Variants in CGGBP1 observed in about 807,000 individuals in gnomAD.
The protein encoded by CGGBP1 is CGG triplet repeat-binding protein 1.
In CGGBP1, 4 loss-of-function variants were observed where a neutral mutation model predicts 11.4. That is an observed-to-expected ratio of 0.35 (90% CI 0.17 to 0.80). CGGBP1 has a LOEUF of 0.80. Ranked by LOEUF, CGGBP1 falls within the 30% of genes least tolerant of loss-of-function variation. The pLI, the probability that CGGBP1 is intolerant of heterozygous loss-of-function variation, is 0.52. For missense variants in CGGBP1, 135 were observed against 202.1 expected (o/e 0.67, Z 2.01); for synonymous variants, 76 against 74.1 (o/e 1.03, Z -0.13).
At chr3:88,079,644 C>T (rs1347402805) in intron 2 of CGGBP1, among the ~76,000 whole-genome samples, 8 of 151,888 alleles carry the variant, frequency 5.3e-5, no homozygotes. Flanking sequence ...TATTTTTGCT[C>T]TGGTTGGTAG....
intron 2 of CGGBP1, among the ~76,000 whole-genome samples, chr3:88,119,382 TTGTGGGG>T (rs1230399557): frequency 9.1e-4 from 11 of 12,064 alleles, no homozygotes; most frequent in Non-Finnish European, 7.1e-4. Context: ...CTGGGGACTG[TTGTGGGG>T]TGGGGGGAGG....
chr3:88,139,917 G>A, intron 2 of CGGBP1: 1 of 1,613,538 alleles, frequency 6.2e-7, no homozygotes, highest in Non-Finnish European at 8.5e-7. Flanking sequence ...TAAGTGTCCT[G>A]CTCTTGGTTG....
At chr3:88,131,260 T>G (rs962977553) in intron 2 of CGGBP1, among the ~76,000 whole-genome samples, 1 of 152,224 alleles carries the variant, frequency 6.6e-6, no homozygotes, top group Non-Finnish European at 1.5e-5. Flanking sequence ...TATAATCTTG[T>G]GTGACCACTG....
chr3:88,065,764 C>T (rs768963496), intron 2 of CGGBP1, among the ~76,000 whole-genome samples: 9 of 152,068 alleles, frequency 5.9e-5, no homozygotes, highest in African/African-American at 1.2e-4. Flanking sequence ...CTGGCTGTGT[C>T]GCTCAGGCTG....
chr3:88,101,764 C>T (rs940946780), intron 2 of CGGBP1, among the ~76,000 whole-genome samples: 5 of 152,192 alleles, frequency 3.3e-5, no homozygotes, highest in African/African-American at 7.2e-5. Context: ...AGTGACTGTA[C>T]GATTAAAATT....
At chr3:88,105,143 A>G (rs1415532230) in intron 2 of CGGBP1, among the ~76,000 whole-genome samples, 2 of 152,238 alleles carry the variant, frequency 1.3e-5, no homozygotes, top group Admixed American at 1.3e-4. Context: ...CATCTCAGAA[A>G]ACAAACATAA....
chr3:88,139,905 T>C, intron 2 of CGGBP1: 1 of 1,613,396 alleles, frequency 6.2e-7, no homozygotes, highest in Non-Finnish European at 8.5e-7. Flanking sequence ...AGAAGGAAAC[T>C]TTAAGTGTCC....
intron 2 of CGGBP1, chr3:88,129,862 G>A (rs1706340646): frequency 7.3e-7 from 1 of 1,372,942 alleles, no homozygotes. Flanking sequence ...GAAATGGTAA[G>A]ATGGGCAACA....
chr3:88,140,958 C>T, intron 2 of CGGBP1: 1 of 1,613,474 alleles, frequency 6.2e-7, no homozygotes, highest in Non-Finnish European at 8.5e-7. Context: ...TGGCAAATGC[C>T]TGACCACCTA....
At chr3:88,137,253 TTC>T (rs1479115560) in intron 2 of CGGBP1, among the ~76,000 whole-genome samples, 1 of 147,138 alleles carries the variant, frequency 6.8e-6, no homozygotes, top group East Asian at 2.0e-4. Flanking sequence ...AGAAAACGAA[TTC>T]TGTTTTGAAT....
At chr3:88,070,350 A>G (rs1028291861) in intron 2 of CGGBP1, among the ~76,000 whole-genome samples, 3 of 152,152 alleles carry the variant, frequency 2.0e-5, no homozygotes, top group African/African-American at 7.2e-5. Flanking sequence ...TGCAGCCATA[A>G]AAAATGATCT....
chr3:88,086,480 A>T, intron 2 of CGGBP1: 1 of 1,214,578 alleles, frequency 8.2e-7, no homozygotes, highest in Non-Finnish European at 1.1e-6. Flanking sequence ...ATTTCTTCTG[A>T]AGAAGAAACC....
chr3:88,112,249 T>C (rs1039860756), intron 2 of CGGBP1, among the ~76,000 whole-genome samples: 4 of 149,760 alleles, frequency 2.7e-5, no homozygotes, highest in African/African-American at 9.8e-5. Context: ...TTTATAATTT[T>C]AGTCTATTAG....
upstream of CGGBP1, chr3:88,059,136 G>T (rs1031013285): frequency 1.6e-4 from 187 of 1,159,788 alleles, 1 homozygote; most frequent in South Asian, 6.3e-4. Context: ...GGCAGCTTGC[G>T]TCTTCCAATA....
intron 1 of CGGBP1, among the ~76,000 whole-genome samples, chr3:88,141,279 G>T (rs1285122589): frequency 2.6e-5 from 4 of 152,036 alleles, no homozygotes; most frequent in Non-Finnish European, 5.9e-5. Context: ...ATAGGGCTTT[G>T]CCTATGAACT....
At chr3:88,086,469 A>G in intron 2 of CGGBP1, 1 of 1,294,780 alleles carries the variant, frequency 7.7e-7, no homozygotes, top group East Asian at 2.7e-5. Context: ...TGTTTTTGAT[A>G]ATTTCTTCTG....
At chr3:88,131,809 A>G (rs886103571) in intron 2 of CGGBP1, among the ~76,000 whole-genome samples, 6 of 151,880 alleles carry the variant, frequency 4.0e-5, no homozygotes, top group African/African-American at 7.3e-5. Context: ...CTTCCTATTA[A>G]AAGTTAATTT....
At chr3:88,114,083 A>C (rs1383776859) in intron 2 of CGGBP1, among the ~76,000 whole-genome samples, 1 of 152,184 alleles carries the variant, frequency 6.6e-6, no homozygotes, top group East Asian at 1.9e-4. Context: ...CTAATGCACT[A>C]AGGTCTAAGA....
rs1432653645 is a variant in CGGBP1 at position 88,139,343 on chromosome 3, C to T, written c.-229+1627G>A. ...GTAACAAGGAATTTTTAGGTGGTCA[C>T]ATTGTAAGGCATGCCCAGGCTCATC... is the stretch of plus-strand genomic sequence containing the variant. On this transcript the variant is annotated intron_variant, in intron 2 of 3. Coordinates refer to the CGGBP1 transcript ENST00000462901. 1.9e-6 allele frequency: 3 copies of T among 1,609,924 alleles called. No homozygotes were observed. In the African/African-American group the frequency reaches 4.0e-5, roughly 22 times the overall value.
Sources: allele counts gnomAD v4.1 joint callset (sites outside exome capture counted in the v4.1 genomes callset), GRCh38; gene constraint gnomAD v4.1.1; transcripts MANE v1.5; gene names NCBI Gene and HGNC (gene_info 2026-07-23, HGNC 2026-07-21).